The following SRGAP3 variants were observed in gnomAD, a reference collection of about 807,000 sequenced individuals.
SRGAP3 encodes the protein SLIT-ROBO Rho GTPase activating protein 3, also known as SLIT-ROBO Rho GTPase-activating protein 3.
SRGAP3 carries 39 observed loss-of-function variants against 121.1 expected under a neutral mutation model. The ratio of observed to expected loss-of-function variants is 0.32; its 90% CI spans 0.25 to 0.42. The LOEUF (loss-of-function observed/expected upper bound fraction) is 0.42. Among genes scored for constraint, SRGAP3 ranks in the 10% least tolerant of loss-of-function variants. The pLI, the probability that SRGAP3 is intolerant of heterozygous loss-of-function variation, is 1.00. For synonymous variants in SRGAP3, 601 were observed against 570.0 expected (o/e 1.05, Z -0.77); for missense variants, 1,213 against 1,470.6 (o/e 0.82, Z 2.86).
rs1394554903 is a variant in SRGAP3, at chr3:9,249,562, T to G, written c.-611A>C. 5 of 240,338 alleles carry G rather than the reference T, an allele frequency of 2.1e-5. No individual in the cohort carries two copies. The highest frequency in any genetic ancestry group is 4.1e-5 in the Non-Finnish European group (5 of 121,930). 14.9% of individuals were successfully genotyped at this position (240,338 alleles called of 1,614,324 possible). On this transcript the variant is annotated 5_prime_UTR_variant, in exon 1 of 22. Transcript: ENST00000383836. ...CCTCCCTTCGGTGCCTCTGGTCTGA[T>G]GTCCAGTGAGGATCAAAGCCAGGAG...
upstream of SRGAP3, among the ~76,000 whole-genome samples, chr3:9,251,215 A>C (rs1678643436): frequency 6.6e-6 from 1 of 152,102 alleles, no homozygotes; most frequent in Non-Finnish European, 1.5e-5. Flanking sequence ...AAAGCACAAG[A>C]CCTGCTTGGA....
intron 10 of SRGAP3, among the ~76,000 whole-genome samples, chr3:9,040,965 A>T (rs1204755063): frequency 6.6e-6 from 1 of 152,252 alleles, no homozygotes; most frequent in East Asian, 1.9e-4. Flanking sequence ...AACTGCGCTG[A>T]CACCAAGGTC....
intron 1 of SRGAP3, among the ~76,000 whole-genome samples, chr3:9,242,075 T>A: frequency 9.9e-6 from 1 of 100,736 alleles, no homozygotes. Context: ...GACACCCTAA[T>A]TCAAAAAAAA....
chr3:9,226,932 T>G (rs1953006037), intron 1 of SRGAP3, among the ~76,000 whole-genome samples: 1 of 152,176 alleles, frequency 6.6e-6, no homozygotes, highest in African/African-American at 2.4e-5. Flanking sequence ...AAACCCCGTC[T>G]GCAGGAAATG....
chr3:9,203,104 A>T (rs982704292), intron 1 of SRGAP3, among the ~76,000 whole-genome samples: 13 of 152,078 alleles, frequency 8.5e-5, no homozygotes, highest in African/African-American at 2.7e-4. Flanking sequence ...TATTGCACAG[A>T]AGTCTCTGAC....
At chr3:9,166,859 A>T (rs1411833314) in intron 1 of SRGAP3, among the ~76,000 whole-genome samples, 3 of 151,998 alleles carry the variant, frequency 2.0e-5, no homozygotes, top group African/African-American at 7.3e-5. Context: ...CATCCTCACT[A>T]ATCAAACTGT....
At chr3:9,150,171 T>G in intron 1 of SRGAP3, among the ~76,000 whole-genome samples, 3 of 149,666 alleles carry the variant, frequency 2.0e-5, no homozygotes, top group South Asian at 2.1e-4. Context: ...CAAGAGGGGG[T>G]CCCGAAAGTA....
At chr3:9,248,063 C>T (rs537571023) in intron 1 of SRGAP3, among the ~76,000 whole-genome samples, 8 of 152,350 alleles carry the variant, frequency 5.3e-5, no homozygotes, top group East Asian at 3.9e-4. Flanking sequence ...AGTATACACC[C>T]GGTGGCACAG....
chr3:9,145,122 GTC>G (rs1050018377), intron 1 of SRGAP3, among the ~76,000 whole-genome samples: 1 of 151,908 alleles, frequency 6.6e-6, no homozygotes, highest in African/African-American at 2.4e-5. Context: ...TTCAGACAAG[GTC>G]TCACTCCGTC....
At chr3:9,136,763 A>G (rs1480550603) in intron 1 of SRGAP3, among the ~76,000 whole-genome samples, 2 of 152,182 alleles carry the variant, frequency 1.3e-5, no homozygotes, top group Non-Finnish European at 1.5e-5. Flanking sequence ...GCCAGAGTCC[A>G]CCGGAGACTC....
chr3:9,158,074 G>T (rs11719693), intron 1 of SRGAP3, among the ~76,000 whole-genome samples: 8,670 of 152,216 alleles, frequency 0.057, 298 homozygotes, highest in South Asian at 0.11. Context: ...AGGACTGTCA[G>T]GACAACCCCA....
intron 21 of SRGAP3, among the ~76,000 whole-genome samples, chr3:8,986,701 G>A (rs1301927135): frequency 6.6e-6 from 1 of 151,984 alleles, no homozygotes; most frequent in Non-Finnish European, 1.5e-5. Flanking sequence ...TAGAGGGACT[G>A]CTACTCTCTT....
intron 1 of SRGAP3, among the ~76,000 whole-genome samples, chr3:9,220,176 G>A (rs1184370480): frequency 6.6e-6 from 1 of 152,110 alleles, no homozygotes; most frequent in Non-Finnish European, 1.5e-5. Flanking sequence ...GTAGCTAGGA[G>A]AGAAGATTTC....
chr3:9,226,694 A>AAG (rs1952998722), intron 1 of SRGAP3, among the ~76,000 whole-genome samples: 1 of 152,204 alleles, frequency 6.6e-6, no homozygotes, highest in African/African-American at 2.4e-5. Context: ...ACATAAGGGC[A>AAG]AGACTTTACA....
chr3:9,136,163 C>T (rs1949639010), intron 1 of SRGAP3, among the ~76,000 whole-genome samples: 1 of 152,232 alleles, frequency 6.6e-6, no homozygotes, highest in African/African-American at 2.4e-5. Flanking sequence ...TCCTCGCAGG[C>T]CTGGCCCACG....
rs797000181 is a variant in SRGAP3 at position 9,051,029 on chromosome 3, T to A, written c.1323+1998A>T. 3.6e-3 allele frequency among the ~76,000 whole-genome samples: 465 copies of A among 128,666 alleles called. 5 individuals are homozygous for A. Among genetic ancestry groups the A allele is most frequent in the African/African-American group, 0.015 (443 of 29,722 alleles). 84.4% of individuals were successfully genotyped at this position (128,666 alleles called of 152,430 possible). On this transcript the variant is annotated intron_variant, in intron 9 of 21. Coordinates refer to ENST00000383836, the MANE Select transcript of SRGAP3 (RefSeq NM_014850.4). ...ATTAGCCTCATTGCTTTTTTTTTTT[T>A]TTTTTTTTTTTTTTTTTGAGACAGT...
In SRGAP3 at chr3:9,145,122, G is replaced by T. The variant is rs117058544; in HGVS notation, c.68-20205C>A. ...ATTTATTTATTTATTTTCAGACAAG[G>T]TCTCACTCCGTCATCCAGGATGGAG... On this transcript the variant is annotated intron_variant, in intron 1 of 21. Coordinates refer to ENST00000383836, the MANE Select transcript of SRGAP3 (RefSeq NM_014850.4). Among the ~76,000 whole-genome samples, 972 of 152,020 alleles carry T rather than the reference G, an allele frequency of 6.4e-3. 39 individuals are homozygous for T. The East Asian group carries it at 0.11, about 17-fold the overall frequency.
At chr3:9,308,448 G>C (rs1263387281) in intron 3 of SRGAP3, among the ~76,000 whole-genome samples, 1 of 152,148 alleles carries the variant, frequency 6.6e-6, no homozygotes. Context: ...GAGCTAGAAG[G>C]AGAACTGCAG....
chr3:9,339,329 G>C (rs1955744151), intron 1 of SRGAP3, among the ~76,000 whole-genome samples: 1 of 152,286 alleles, frequency 6.6e-6, no homozygotes, highest in Admixed American at 6.5e-5. Flanking sequence ...AAAAGAAGCA[G>C]GCATGGTCCC....
Sources: gnomAD v4.1 joint callset for allele counts (sites outside exome capture counted in the v4.1 genomes callset) on GRCh38, gnomAD v4.1.1 for gene constraint, MANE v1.5 for transcripts, NCBI Gene and HGNC (gene_info 2026-07-23, HGNC 2026-07-21) for gene names.